The following DSP variants were observed in gnomAD, a reference collection of about 807,000 sequenced individuals.
The protein encoded by DSP is desmoplakin.
In DSP, 114 loss-of-function variants were observed where a neutral mutation model predicts 290.6. The observed-to-expected ratio is 0.39, with a 90% CI of 0.34 to 0.46. DSP has a LOEUF of 0.46. Ranked by LOEUF, DSP falls within the 20% of genes least tolerant of loss-of-function variation. The pLI is 0.99. For synonymous variants in DSP, 1,311 were observed against 1,316.4 expected (o/e 1.00, Z 0.09); for missense variants, 3,230 against 3,495.8 (o/e 0.92, Z 1.92).
At chr6:7,544,922 A>G (rs1241243947) in intron 1 of DSP, among the ~76,000 whole-genome samples, 2 of 152,212 alleles carry the variant, frequency 1.3e-5, no homozygotes, top group African/African-American at 4.8e-5. Flanking sequence ...ATGTTTTGAA[A>G]TGTAAATTTT....
chr6:7,582,620 T>A lies in DSP; in HGVS notation c.5380-22T>A. The stretch of plus-strand genomic sequence containing the variant: ...TGATTCAAAACATTATTTTTTCCCA[T>A]TTCTTTCTTCTTCAATTCCAGGCAT... On this transcript the variant is annotated intron_variant, in intron 23 of 23. Coordinates refer to ENST00000379802, the MANE Select transcript of DSP (RefSeq NM_004415.4). This position sits in a 1 kb window ranked among gnomAD's most constrained non-coding sequence, Gnocchi z 4.2. 6.3e-7 allele frequency: 1 copy of A among 1,594,706 alleles called. No homozygotes were observed. The highest frequency in any genetic ancestry group is 8.6e-7 in the Non-Finnish European group (1 of 1,162,486).
Position 7,572,011 on chromosome 6 carries a change from C to G in DSP, c.2073C>G (p.Leu691=), listed in dbSNP as rs768290750. The G allele has an allele frequency of 3.7e-6, 6 of 1,614,146 alleles. No individual in the cohort carries two copies. In the South Asian group the frequency reaches 6.6e-5, roughly 18 times the overall value. Residue 691 remains leucine, a synonymous_variant, in exon 15 of 24, where the codon CTC becomes CTG. Coordinates refer to ENST00000379802, the MANE Select transcript of DSP (RefSeq NM_004415.4). ...HCEGRMTLKN[L]PLADQGSSHH... ...AGGGCAGGATGACTCTCAAAAACCT[C>G]CCTCTAGCAGACCAGGGATCTTCTC... is the stretch of plus-strand genomic sequence containing the variant.
intron 12 of DSP, among the ~76,000 whole-genome samples, chr6:7,569,816 G>A (rs1272708437): frequency 3.1e-5 from 4 of 127,100 alleles, no homozygotes; most frequent in African/African-American, 1.3e-4. Flanking sequence ...CCTGGGCAAC[G>A]AGAGCAAAAC....
At position 7,565,371 on chromosome 6, in the gene DSP, G is replaced by A; in HGVS notation, c.790G>A (p.Glu264Lys). 2 of 1,614,052 alleles carry A rather than the reference G, an allele frequency of 1.2e-6. No homozygotes were observed. Among genetic ancestry groups the A allele is most frequent in the Non-Finnish European group, 1.7e-6 (2 of 1,180,014 alleles). ...EYENLLKASF[E>K]RMDHLRQLQN... ...ACCTCCTGTGCAGAAAGCGTCCTTTGAGAGGATGGATCACCTGCGACAGCT... is the reference window on the plus strand; with the variant it reads ...ACCTCCTGTGCAGAAAGCGTCCTTTAAGAGGATGGATCACCTGCGACAGCT... The change falls in exon 7 of 24, where the codon GAG becomes AAG. Residue 264 changes from glutamate (E) to lysine (K), a missense_variant. This residue lies in a region of DSP where 646 missense variants were observed against 684.3 expected (regional missense o/e 0.94). Coordinates refer to ENST00000379802, the MANE Select transcript of DSP (RefSeq NM_004415.4). The surrounding 1 kb of genome is among the most constrained non-coding windows in gnomAD (Gnocchi z 4.2).
chr6:7,566,281 A>G (rs2097494262), intron 7 of DSP, 96 bp from the exon 8 acceptor site: 1 of 976,044 alleles, frequency 1.0e-6, no homozygotes, highest in Non-Finnish European at 1.6e-6. Flanking sequence ...CATTTCCAAA[A>G]TGCAGTTTTG....
chr6:7,583,459 A>G lies in DSP; in HGVS notation c.6197A>G (p.Lys2066Arg). The part of the protein sequence containing the change: ...GGIIDPHRNE[K>R]LTVDSAIARD... ...ATAATTGATCCCCATCGGAATGAGAAGCTGACTGTCGACAGTGCCATAGCT... is the reference window on the plus strand; with the variant it reads ...ATAATTGATCCCCATCGGAATGAGAGGCTGACTGTCGACAGTGCCATAGCT... Residue 2066 changes from lysine to arginine, a missense_variant, in exon 24 of 24, where the codon AAG becomes AGG. Lys to Arg is a conservative substitution (Grantham distance 26, BLOSUM62 2). Around this residue, in one of 5 missense-constraint regions of DSP, gnomAD observed 1,714 missense variants for 1,844.5 expected, o/e 0.93. Coordinates refer to ENST00000379802, the MANE Select transcript of DSP (RefSeq NM_004415.4). This position sits in a 1 kb window ranked among gnomAD's most constrained non-coding sequence, Gnocchi z 4.0. 1.2e-6 allele frequency: 2 copies of G among 1,614,198 alleles called. No individual in the cohort carries two copies. Among genetic ancestry groups the G allele is most frequent in the South Asian group, 2.2e-5 (2 of 91,074 alleles).
rs7740930 is a variant in DSP at position 7,565,819 on chromosome 6, C to T, written c.939+299C>T. The T allele has an allele frequency of 0.019, 8,054 of 414,964 alleles. 532 individuals are homozygous for T. The highest frequency in any genetic ancestry group is 0.15 in the African/African-American group (7,353 of 49,004). 25.7% of individuals were successfully genotyped at this position (414,964 alleles called of 1,614,324 possible). A position where few individuals can be genotyped will look rare whatever the true frequency, so the allele number is the denominator to read the frequency against. On this transcript the variant is annotated intron_variant, in intron 7 of 23. Coordinates refer to ENST00000379802, the MANE Select transcript of DSP (RefSeq NM_004415.4). The surrounding 1 kb of genome is among the most constrained non-coding windows in gnomAD (Gnocchi z 4.2). Reference sequence around the variant, plus strand: ...GGCAACAACACACACTGGGGCCTTTCGGAGGGCAGAGGGTGGAGGTGGAAG... The same window carrying T: ...GGCAACAACACACACTGGGGCCTTTTGGAGGGCAGAGGGTGGAGGTGGAAG...
chr6:7,561,906 C>T (rs899951437), intron 4 of DSP, among the ~76,000 whole-genome samples: 1 of 152,198 alleles, frequency 6.6e-6, no homozygotes, highest in Non-Finnish European at 1.5e-5. Flanking sequence ...AATGGACTTG[C>T]CCCAGTGTGG....
In DSP at chr6:7,584,377, T is replaced by C; in HGVS notation, c.7115T>C (p.Ile2372Thr). Reference sequence around the variant, plus strand: ...GGTATTCGCTTATTAGAAGCACAGATCGCAACCGGGGGGATCATTGACCCA... The same window carrying C: ...GGTATTCGCTTATTAGAAGCACAGACCGCAACCGGGGGGATCATTGACCCA... The part of the protein sequence containing the change: ...GHGIRLLEAQ[I>T]ATGGIIDPKE... Residue 2372 changes from isoleucine (I) to threonine (T), a missense_variant, in exon 24 of 24, where the codon ATC becomes ACC. Physicochemically the swap from Ile to Thr is moderately conservative, Grantham distance 89. Around this residue, in one of 5 missense-constraint regions of DSP, gnomAD observed 207 missense variants for 281.2 expected, o/e 0.74. Coordinates refer to ENST00000379802, the MANE Select transcript of DSP (RefSeq NM_004415.4). This position sits in a 1 kb window ranked among gnomAD's most constrained non-coding sequence, Gnocchi z 6.4. The C allele has an allele frequency of 6.2e-7, 1 of 1,614,112 alleles. No individual in the cohort carries two copies. The highest frequency in any genetic ancestry group is 8.5e-7 in the Non-Finnish European group (1 of 1,179,968).
chr6:7,579,533 A>G lies in DSP; in HGVS notation c.3343A>G (p.Thr1115Ala), dbSNP rs761524542. Residue 1115 changes from threonine (T) to alanine (A), a missense_variant, in exon 23 of 24, where the codon ACT becomes GCT. By Grantham distance (58) the Thr-to-Ala change is moderately conservative (BLOSUM62 0). Transcript: ENST00000379802. This position sits in a 1 kb window ranked among gnomAD's most constrained non-coding sequence, Gnocchi z 4.1. Reference sequence around the variant, plus strand: ...ACTCAATGAGAAGATCACCCGACTGACTTATGAGATTGAAGATGAAAAGAG... The same window carrying G: ...ACTCAATGAGAAGATCACCCGACTGGCTTATGAGATTGAAGATGAAAAGAG... ...KELNEKITRL[T>A]YEIEDEKRRR... The G allele has an allele frequency of 7.4e-6, 12 of 1,613,988 alleles. No homozygotes were observed. In the South Asian group the frequency reaches 1.3e-4, roughly 18 times the overall value.
chr6:7,559,271 C>G lies in DSP; in HGVS notation c.468C>G (p.Ile156Met), dbSNP rs1302759290. 1 of 1,614,018 alleles carries G rather than the reference C, an allele frequency of 6.2e-7. No homozygotes were observed. Among genetic ancestry groups the G allele is most frequent in the Admixed American group, 1.7e-5 (1 of 60,026 alleles). The stretch of plus-strand genomic sequence containing the variant: ...AAATGCGAGCCCTTTATAAAGCCAT[C>G]AGTGTCCCTCGAGTCCGCAGGGCCA... ...QEQMRALYKA[I>M]SVPRVRRASS... The change falls in exon 4 of 24, where the codon ATC becomes ATG. Residue 156 changes from isoleucine to methionine, a missense_variant. Coordinates refer to ENST00000379802, the MANE Select transcript of DSP (RefSeq NM_004415.4).
Position 7,575,392 on chromosome 6 carries a change from A to G in DSP, c.2534A>G (p.Gln845Arg), listed in dbSNP as rs1462456909. The G allele has an allele frequency of 1.9e-6, 3 of 1,614,188 alleles. No homozygotes were observed. Among genetic ancestry groups the G allele is most frequent in the Non-Finnish European group, 2.5e-6 (3 of 1,180,036 alleles). Residue 845 changes from glutamine (Q) to arginine (R), a missense_variant, in exon 18 of 24, where the codon CAG becomes CGG. This residue lies in a region of DSP where 1,714 missense variants were observed against 1,844.5 expected (regional missense o/e 0.93). Transcript: ENST00000379802. Reference protein sequence around the residue: ...AQQIHSQTSQQYPLYDLDLGK... With the variant: ...AQQIHSQTSQRYPLYDLDLGK... The stretch of plus-strand genomic sequence containing the variant: ...CAGATCCACTCTCAGACTTCACAGC[A>G]GTATCCACTTTATGATCTGGACTTG...
chr6:7,566,800 G>T (rs1401776520), intron 8 of DSP, among the ~76,000 whole-genome samples: 1 of 152,178 alleles, frequency 6.6e-6, no homozygotes, highest in Non-Finnish European at 1.5e-5. Flanking sequence ...ATAGAAGTGG[G>T]CCACATGTGG....
chr6:7,553,260 C>G (rs147304964), intron 1 of DSP, among the ~76,000 whole-genome samples: 96 of 152,222 alleles, frequency 6.3e-4, no homozygotes, highest in African/African-American at 2.3e-3. Context: ...GTGCCCCACC[C>G]TCATCTTATA....
rs2113653683 is a variant in DSP, at chr6:7,555,712, C to T, written c.171-6C>T. On this transcript the variant is annotated splice_region_variant and splice_polypyrimidine_tract_variant and intron_variant, in intron 1 of 23. Coordinates refer to ENST00000379802, the MANE Select transcript of DSP (RefSeq NM_004415.4). ...ATGTCTGGTTTCTCTGTGTTTGCCT[C>T]CTTAGTCAAACCGGCACGATGTCCA... 6.2e-7 allele frequency: 1 copy of T among 1,613,200 alleles called. No homozygotes were observed. The highest frequency in any genetic ancestry group is 8.5e-7 in the Non-Finnish European group (1 of 1,179,140).
At position 7,579,648 on chromosome 6, in the gene DSP, T is replaced by G. The variant is rs1554108085; in HGVS notation, c.3458T>G (p.Leu1153Arg). The G allele has an allele frequency of 1.2e-6, 2 of 1,613,826 alleles. No individual in the cohort carries two copies. Among genetic ancestry groups the G allele is most frequent in the Non-Finnish European group, 1.7e-6 (2 of 1,179,968 alleles). ...QKARQCEKEN[L>R]GWQKLESEKA... ...GCAAGGCAATGTGAAAAGGAGAACC[T>G]TGGTTGGCAGAAATTAGAGTCTGAG... Residue 1153 changes from leucine (L) to arginine (R), a missense_variant, in exon 23 of 24, where the codon CTT becomes CGT. By Grantham distance (102) the Leu-to-Arg change is moderately radical (BLOSUM62 -2). Transcript: ENST00000379802. The surrounding 1 kb of genome is among the most constrained non-coding windows in gnomAD (Gnocchi z 4.1).
rs200476515 is a variant in DSP at position 7,566,380 on chromosome 6, C to A, written c.943C>A (p.Arg315Ser). Residue 315 changes from arginine to serine, a missense_variant, in exon 8 of 24, where the codon CGC (arginine) becomes AGC (serine). Transcript: ENST00000379802. ...TTTCTTATTTCTTCATTCACAGATA[C>A]GCATGAGTCAACTGGAAGTTAAAGA... ...IAQKQEAFSI[R>S]MSQLEVKEKE... 1.2e-6 allele frequency: 2 copies of A among 1,611,926 alleles called. No homozygotes were observed. The highest frequency in any genetic ancestry group is 1.7e-6 in the Non-Finnish European group (2 of 1,178,844).
At chr6:7,553,674 C>T (rs897842500) in intron 1 of DSP, among the ~76,000 whole-genome samples, 1 of 152,176 alleles carries the variant, frequency 6.6e-6, no homozygotes, top group African/African-American at 2.4e-5. Flanking sequence ...TTGCTTGTAT[C>T]TCAGCAGTAT....
At position 7,558,250 on chromosome 6, in the gene DSP, T is replaced by G. The variant is rs774188472; in HGVS notation, c.408T>G (p.Asp136Glu). The change falls in exon 3 of 24, where the codon GAT becomes GAG. Residue 136 changes from aspartate (D) to glutamate (E), a missense_variant. Around this residue, in one of 5 missense-constraint regions of DSP, gnomAD observed 646 missense variants for 684.3 expected, o/e 0.94. Transcript: ENST00000379802. ...TGCGGCAGATGGGCCAGCCCTGTGA[T>G]GCTTACCAGAAAAGGTATTGTCCAC... ...REMRQMGQPC[D>E]AYQKRLLQLQ... The G allele has an allele frequency of 8.1e-6, 13 of 1,614,018 alleles. No individual in the cohort carries two copies. The highest frequency in any genetic ancestry group is 1.0e-5 in the Non-Finnish European group (12 of 1,180,006).
Sources: gnomAD v4.1 joint callset for allele counts (sites outside exome capture counted in the v4.1 genomes callset) on GRCh38, gnomAD v4.1.1 for gene constraint, gnomAD v4.1.1 regional missense constraint, Gnocchi (gnomAD v3.1) non-coding constraint, MANE v1.5 for transcripts, NCBI Gene and HGNC (gene_info 2026-07-23, HGNC 2026-07-21) for gene names.